The following TLK2 variants were observed in gnomAD, a reference collection of about 807,000 sequenced individuals.
TLK2 encodes the protein serine/threonine-protein kinase tousled-like 2.
In TLK2, 6 loss-of-function variants were observed where a neutral mutation model predicts 117.3. The ratio of observed to expected loss-of-function variants is 0.05; its 90% CI spans 0.03 to 0.10. The LOEUF is 0.10. TLK2 is among the 10% of genes least tolerant of loss of function. TLK2 has a pLI of 1.00. For synonymous variants in TLK2, 257 were observed against 316.7 expected (o/e 0.81, Z 2.00); for missense variants, 299 against 901.2 (o/e 0.33, Z 8.56).
At chr17:62,556,552 G>A (rs1445671845) in intron 9 of TLK2, among the ~76,000 whole-genome samples, 2 of 152,058 alleles carry the variant, frequency 1.3e-5, no homozygotes, top group South Asian at 2.1e-4. Flanking sequence ...TGTTCTATTC[G>A]TTCTGCCTCT....
chr17:62,488,022 C>CCA (rs2072658774), intron 2 of TLK2, among the ~76,000 whole-genome samples: 2 of 152,046 alleles, frequency 1.3e-5, no homozygotes, highest in Admixed American at 1.3e-4. Flanking sequence ...TCACAGCAAT[C>CCA]TCCACCTCCC....
chr17:62,516,785 C>T, intron 2 of TLK2: 1 of 1,437,610 alleles, frequency 7.0e-7, no homozygotes, highest in Non-Finnish European at 9.6e-7. Context: ...GCTGCAGGGT[C>T]CGGGGCCGGG....
chr17:62,540,259 A>G (rs987369185), intron 7 of TLK2, among the ~76,000 whole-genome samples: 4 of 150,492 alleles, frequency 2.7e-5, no homozygotes, highest in Admixed American at 6.6e-5. Context: ...CTACATCTCA[A>G]TAACTGTCAA....
At chr17:62,611,896 T>C (rs1251002935) in intron 21 of TLK2, 1 of 152,328 alleles carries the variant, frequency 6.6e-6, no homozygotes, top group Non-Finnish European at 1.5e-5. Flanking sequence ...CTTTACGACA[T>C]AGGGAAATAA....
chr17:62,584,274 AC>A (rs891401421), intron 15 of TLK2, among the ~76,000 whole-genome samples: 2 of 150,664 alleles, frequency 1.3e-5, no homozygotes, highest in African/African-American at 4.9e-5. Context: ...CCGCCACCAC[AC>A]CCGGCTAATT....
In TLK2 at chr17:62,614,712, T is replaced by C. The variant is rs1356129002; in HGVS notation, c.*2147T>C. The C allele has an allele frequency of 3.3e-5, 5 of 152,222 alleles. No homozygotes were observed. The highest frequency in any genetic ancestry group is 7.3e-5 in the Non-Finnish European group (5 of 68,036). The allele number at this position is 152,222 out of a possible 1,614,324, so 9.4% of individuals were successfully genotyped here. On this transcript the variant is annotated 3_prime_UTR_variant, in exon 22 of 22. Transcript: ENST00000346027. ...TCTAAAACTACTTTATTACAATTTATATGTATATACACATGCACATATAAA... is the reference window on the plus strand; with the variant it reads ...TCTAAAACTACTTTATTACAATTTACATGTATATACACATGCACATATAAA...
intron 2 of TLK2, among the ~76,000 whole-genome samples, chr17:62,485,547 T>C (rs916683383): frequency 2.0e-4 from 30 of 152,302 alleles, no homozygotes; most frequent in African/African-American, 6.5e-4. Context: ...TGTTTATAGG[T>C]AGGTACTCAG....
At chr17:62,559,230 C>T (rs2079073527) in intron 9 of TLK2, among the ~76,000 whole-genome samples, 1 of 152,106 alleles carries the variant, frequency 6.6e-6, no homozygotes, top group Admixed American at 6.5e-5. Context: ...GCGTGCCTGG[C>T]TTCTCTGGTG....
At chr17:62,507,516 C>G (rs1365811063) in intron 2 of TLK2, 3 of 152,130 alleles carry the variant, frequency 2.0e-5, no homozygotes. Flanking sequence ...GCGTTATCTT[C>G]TTTACTGGAG....
At chr17:62,495,578 C>G (rs942498187) in intron 2 of TLK2, among the ~76,000 whole-genome samples, 5 of 150,720 alleles carry the variant, frequency 3.3e-5, no homozygotes, top group South Asian at 2.1e-4. Context: ...CCACGCCTGG[C>G]TGAGGCGTGT....
chr17:62,588,495 G>A (rs1034050237), intron 16 of TLK2, among the ~76,000 whole-genome samples: 2 of 152,168 alleles, frequency 1.3e-5, no homozygotes, highest in East Asian at 1.9e-4. Flanking sequence ...TTCCAGGCTG[G>A]CATTGGTGCC....
At chr17:62,526,256 C>G (rs1179912884) in intron 6 of TLK2, among the ~76,000 whole-genome samples, 1 of 152,236 alleles carries the variant, frequency 6.6e-6, no homozygotes, top group African/African-American at 2.4e-5. Context: ...ACTGACTGAT[C>G]TGGTCATGAG....
At chr17:62,482,581 C>T (rs139287375) in intron 2 of TLK2, among the ~76,000 whole-genome samples, 357 of 151,840 alleles carry the variant, frequency 2.4e-3, no homozygotes, top group African/African-American at 7.8e-3. Context: ...TCCTGAGTAG[C>T]TGGGATTACA....
intron 2 of TLK2, among the ~76,000 whole-genome samples, chr17:62,486,823 A>C (rs1315351336): frequency 6.6e-6 from 1 of 152,232 alleles, no homozygotes; most frequent in Admixed American, 6.5e-5. Flanking sequence ...AAATCTGTAC[A>C]TAATCAACTC....
chr17:62,486,523 A>G (rs1402853627), intron 2 of TLK2, among the ~76,000 whole-genome samples: 2 of 152,156 alleles, frequency 1.3e-5, no homozygotes, highest in African/African-American at 2.4e-5. Flanking sequence ...TAGTAATGTG[A>G]AACTGACTAT....
chr17:62,608,336 T>G (rs2083464271), intron 21 of TLK2, among the ~76,000 whole-genome samples, 188 bp downstream of exon 21: 1 of 152,100 alleles, frequency 6.6e-6, no homozygotes, highest in African/African-American at 2.4e-5. Flanking sequence ...GACCACCCCA[T>G]CCCCAGTTCC....
chr17:62,505,265 GC>G (rs1276757258), intron 2 of TLK2, among the ~76,000 whole-genome samples: 1 of 151,980 alleles, frequency 6.6e-6, no homozygotes, highest in Non-Finnish European at 1.5e-5. Context: ...TGTTTTAGAG[GC>G]AGGATCTTAC....
At chr17:62,482,904 C>T (rs1265478892) in intron 2 of TLK2, among the ~76,000 whole-genome samples, 1 of 152,162 alleles carries the variant, frequency 6.6e-6, no homozygotes, top group Non-Finnish European at 1.5e-5. Context: ...TGTATTAGAG[C>T]TGTGACAAGG....
At chr17:62,500,773 A>G (rs2074120672) in intron 2 of TLK2, among the ~76,000 whole-genome samples, 1 of 152,244 alleles carries the variant, frequency 6.6e-6, no homozygotes, top group South Asian at 2.1e-4. Flanking sequence ...TCTGACTACA[A>G]TGGAATTAAA....
Sources: gnomAD v4.1 joint callset for allele counts (sites outside exome capture counted in the v4.1 genomes callset) on GRCh38, gnomAD v4.1.1 for gene constraint, MANE v1.5 for transcripts, NCBI Gene and HGNC (gene_info 2026-07-23, HGNC 2026-07-21) for gene names.